ARID1B: variants seen among roughly 807,000 people sequenced by gnomAD.
The protein encoded by ARID1B is AT-rich interaction domain 1B.
Under a neutral mutation model 212.3 loss-of-function variants are expected in ARID1B, and 30 were observed. The observed-to-expected ratio is 0.14, with a 90% CI of 0.11 to 0.19. The LOEUF (loss-of-function observed/expected upper bound fraction) is 0.19, where lower values mean the gene tolerates loss of function less well. ARID1B is among the 10% of genes least tolerant of loss of function. The pLI is 1.00. For missense variants in ARID1B, 2,891 were observed against 3,204.0 expected (o/e 0.90, Z 2.36); for synonymous variants, 1,402 against 1,301.7 (o/e 1.08, Z -1.66).
rs1794632827 is a variant in ARID1B at position 157,208,716 on chromosome 6, T to TTTTC, written c.*828_*829insCTTT. 2 of 117,048 alleles carry TTTTC rather than the reference T, an allele frequency of 1.7e-5. No individual in the cohort carries two copies. The highest frequency in any genetic ancestry group is 1.7e-4 in the Admixed American group (2 of 12,084). The allele number at this position is 117,048 out of a possible 1,614,324, so 7.3% of individuals were successfully genotyped here. ...AACATACCCTCATTTTTTTCTTTTC[T>TTTTC]TTTTTTTTTTTTTTTTTAGTACAAA... On this transcript the variant is annotated 3_prime_UTR_variant, in exon 20 of 20. Coordinates refer to ENST00000636930, the MANE Select transcript of ARID1B (RefSeq NM_001374828.1).
At chr6:157,089,665 A>G (rs999284022) in intron 5 of ARID1B, among the ~76,000 whole-genome samples, 3 of 152,176 alleles carry the variant, frequency 2.0e-5, no homozygotes, top group African/African-American at 7.2e-5. Flanking sequence ...CTCCAGTGCC[A>G]TCACAAATTT....
At chr6:157,000,696 CTTT>C (rs10536002) in intron 4 of ARID1B, among the ~76,000 whole-genome samples, 46 of 99,196 alleles carry the variant, frequency 4.6e-4, no homozygotes, top group African/African-American at 8.8e-4. Flanking sequence ...TCTAATTATT[CTTT>C]TTTTTTTTTT....
intron 4 of ARID1B, among the ~76,000 whole-genome samples, chr6:157,005,000 C>T (rs1279068780): frequency 1.4e-5 from 2 of 146,194 alleles, no homozygotes; most frequent in African/African-American, 5.1e-5. Context: ...GCAACCTCCA[C>T]CTCCCGGATT....
intron 2 of ARID1B, among the ~76,000 whole-genome samples, chr6:156,855,328 G>C (rs1784839310): frequency 6.6e-6 from 1 of 152,228 alleles, no homozygotes; most frequent in African/African-American, 2.4e-5. Flanking sequence ...TTTACACTGA[G>C]AGTAGACTTC....
chr6:157,070,165 T>C (rs1044022065), intron 4 of ARID1B, among the ~76,000 whole-genome samples: 2 of 152,186 alleles, frequency 1.3e-5, no homozygotes, highest in African/African-American at 4.8e-5. Flanking sequence ...TTCTCTTATT[T>C]TTTAAAGAAT....
intron 2 of ARID1B, among the ~76,000 whole-genome samples, chr6:156,894,671 A>AG (rs1166137275): frequency 6.6e-6 from 1 of 152,222 alleles, no homozygotes; most frequent in Non-Finnish European, 1.5e-5. Context: ...TTCCTCCAAA[A>AG]GGAGGAACAA....
chr6:156,982,539 G>T, intron 4 of ARID1B, among the ~76,000 whole-genome samples: 1 of 149,176 alleles, frequency 6.7e-6, no homozygotes. Flanking sequence ...CCCTTAATCT[G>T]CTTTCTTATT....
At chr6:156,781,975 C>CTTTT (rs57443841) in intron 1 of ARID1B, among the ~76,000 whole-genome samples, 525 of 39,274 alleles carry the variant, frequency 0.013, 53 homozygotes, top group African/African-American at 0.014. Context: ...TGGGAATAGG[C>CTTTT]TTTTTTTTTT....
At chr6:156,943,386 T>C (rs1179544028) in intron 4 of ARID1B, 1 of 152,044 alleles carries the variant, frequency 6.6e-6, no homozygotes, top group Non-Finnish European at 1.5e-5. Context: ...CCCACTGAAC[T>C]TTGTTTAAGC....
At chr6:156,972,539 C>T (rs1776999177) in intron 4 of ARID1B, among the ~76,000 whole-genome samples, 1 of 152,196 alleles carries the variant, frequency 6.6e-6, no homozygotes, top group Non-Finnish European at 1.5e-5. Flanking sequence ...GGAAGATGAA[C>T]ATTTAGTAAG....
At chr6:157,056,029 T>C (rs990594154) in intron 4 of ARID1B, among the ~76,000 whole-genome samples, 2 of 152,216 alleles carry the variant, frequency 1.3e-5, no homozygotes, top group Admixed American at 1.3e-4. Flanking sequence ...GAATATCTCC[T>C]TTTATTAACA....
At chr6:156,888,734 T>C (rs1308679354) in intron 2 of ARID1B, among the ~76,000 whole-genome samples, 1 of 152,170 alleles carries the variant, frequency 6.6e-6, no homozygotes, top group East Asian at 1.9e-4. Flanking sequence ...AAAGTGTTGC[T>C]TCTGTGAGCA....
chr6:156,909,121 C>CTT (rs1789652677), intron 3 of ARID1B, among the ~76,000 whole-genome samples: 1 of 125,562 alleles, frequency 8.0e-6, no homozygotes, highest in Non-Finnish European at 1.6e-5. Flanking sequence ...TTTTTTCTTT[C>CTT]TCTTTTTTTT....
At chr6:156,823,687 TG>T (rs1270397514) in intron 1 of ARID1B, among the ~76,000 whole-genome samples, 4 of 100,090 alleles carry the variant, frequency 4.0e-5, no homozygotes, top group Admixed American at 1.9e-4. Context: ...TTTTCTTTGT[TG>T]TTTTTTTTTT....
intron 11 of ARID1B, among the ~76,000 whole-genome samples, chr6:157,178,254 A>G (rs1462713429): frequency 2.0e-5 from 3 of 151,972 alleles, no homozygotes; most frequent in South Asian, 2.1e-4. Flanking sequence ...CTTTTTGTCC[A>G]TTGGAGTAAT....
At chr6:156,905,250 G>GCGCGCACACACA (rs1554265935) in intron 3 of ARID1B, among the ~76,000 whole-genome samples, 22 of 143,838 alleles carry the variant, frequency 1.5e-4, no homozygotes, top group African/African-American at 5.7e-4. Context: ...ACATATGCAC[G>GCGCGCACACACA]CACACACACA....
At chr6:157,181,720 A>G (rs1792551865) in intron 12 of ARID1B, among the ~76,000 whole-genome samples, 1 of 152,104 alleles carries the variant, frequency 6.6e-6, no homozygotes, top group Non-Finnish European at 1.5e-5. Context: ...GTGCAGATTT[A>G]AGGAGCTATC....
At chr6:157,167,627 G>A (rs917628166) in intron 9 of ARID1B, 1 of 156,838 alleles carries the variant, frequency 6.4e-6, no homozygotes, top group African/African-American at 2.4e-5. Flanking sequence ...ACCTCTAAAT[G>A]TATGCTCGGA....
chr6:156,897,209 G>T (rs372807572), intron 2 of ARID1B, among the ~76,000 whole-genome samples: 1,419 of 72,316 alleles, frequency 0.02, 10 homozygotes, highest in African/African-American at 0.051. Context: ...TGCTGCTGCT[G>T]CTGCTGCTGC....
Sources: allele counts gnomAD v4.1 joint callset (sites outside exome capture counted in the v4.1 genomes callset), GRCh38; gene constraint gnomAD v4.1.1; transcripts MANE v1.5; gene names NCBI Gene and HGNC (gene_info 2026-07-23, HGNC 2026-07-21).